Variants in SH2D7 observed in about 807,000 individuals in gnomAD.
The protein encoded by SH2D7 is SH2 domain containing 7, also known as SH2 domain-containing protein 7.
Under a neutral mutation model 40.8 loss-of-function variants are expected in SH2D7, and 32 were observed. That is an observed-to-expected ratio of 0.78 (90% CI 0.59 to 1.05). The LOEUF is 1.05. SH2D7 is among the 50% of genes least tolerant of loss of function. The pLI, the probability that SH2D7 is intolerant of heterozygous loss-of-function variation, is 0.00. For missense variants in SH2D7, 559 were observed against 566.6 expected (o/e 0.99, Z 0.14); for synonymous variants, 195 against 221.5 (o/e 0.88, Z 1.06).
rs560445530 is a variant in SH2D7, at chr15:78,102,548, T to A, written c.1306-917T>A. 2.0e-5 allele frequency among the ~76,000 whole-genome samples: 3 copies of A among 151,884 alleles called. No individual in the cohort carries two copies. In the East Asian group the frequency reaches 5.8e-4, roughly 29 times the overall value. ...CTGAGGATCTCTGGGGTGGTGGTGG[T>A]GGTAGTGGTGGTGGTGGTATTGGTG... On this transcript the variant is annotated intron_variant, in intron 5 of 5. Coordinates refer to ENST00000328828, the MANE Select transcript of SH2D7 (RefSeq NM_001101404.2).
intron 5 of SH2D7, 80 bp from the exon 6 acceptor site, chr15:78,103,385 C>A: frequency 6.6e-7 from 1 of 1,514,450 alleles, no homozygotes; most frequent in South Asian, 1.2e-5. Flanking sequence ...AACCCAAGGT[C>A]AATGAGGGGT....
At chr15:78,098,729 C>T (rs1175988936) in intron 4 of SH2D7, 133 bp downstream of exon 4, 15 of 1,075,790 alleles carry the variant, frequency 1.4e-5, no homozygotes, top group Admixed American at 5.0e-5. Flanking sequence ...CCCAGAGGTG[C>T]GGACCCAGCT....
chr15:78,094,054 G>A, intron 1 of SH2D7, 58 bp from the exon 2 acceptor site: 1 of 1,521,354 alleles, frequency 6.6e-7, no homozygotes, highest in South Asian at 1.2e-5. Flanking sequence ...GCCTAAGTCA[G>A]GCTGCACCTG....
chr15:78,092,828 G>A, intron 1 of SH2D7, 68 bp downstream of exon 1: 2 of 1,494,608 alleles, frequency 1.3e-6, no homozygotes, highest in Non-Finnish European at 1.8e-6. Flanking sequence ...AATGGTCTGG[G>A]AACTCTGGAT....
chr15:78,100,075 C>A (rs1388924828), intron 4 of SH2D7, among the ~76,000 whole-genome samples: 1 of 152,172 alleles, frequency 6.6e-6, no homozygotes. Context: ...ATATATTCAC[C>A]CATCATATAG....
chr15:78,100,829 A>G lies in SH2D7; in HGVS notation c.646-70A>G. On this transcript the variant is annotated intron_variant, in intron 4 of 5. Coordinates refer to ENST00000328828, the MANE Select transcript of SH2D7 (RefSeq NM_001101404.2). ...GACAGGGGGCCTCGGCTTATCTGAG[A>G]GAGTTTTTACTGGAGGGCATCTTAG... 3 of 1,552,400 alleles carry G rather than the reference A, an allele frequency of 1.9e-6. No individual in the cohort carries two copies. In the South Asian group the frequency reaches 3.7e-5, roughly 19 times the overall value.
At chr15:78,096,674 A>G (rs936244005) in intron 2 of SH2D7, among the ~76,000 whole-genome samples, 1 of 130,392 alleles carries the variant, frequency 7.7e-6, no homozygotes, top group African/African-American at 3.0e-5. Flanking sequence ...TTTTTTTTTT[A>G]ATTTTTAGTA....
chr15:78,094,209 G>A lies in SH2D7; in HGVS notation c.266+8G>A, dbSNP rs769971560. 4 of 1,604,314 alleles carry A rather than the reference G, an allele frequency of 2.5e-6. No individual in the cohort carries two copies. In the East Asian group the frequency reaches 6.7e-5, roughly 27 times the overall value. The stretch of plus-strand genomic sequence containing the variant: ...CTACATCTTGTCCTACAGGTAAGAG[G>A]GGAAGCCCTCTGGGCAAGCAAGCTC... On this transcript the variant is annotated splice_region_variant and intron_variant, in intron 2 of 5. Transcript: ENST00000328828.
chr15:78,091,453 C>G (rs1211453561), upstream of SH2D7, among the ~76,000 whole-genome samples: 2 of 152,156 alleles, frequency 1.3e-5, no homozygotes, highest in Non-Finnish European at 2.9e-5. Flanking sequence ...TAGTAAGTTT[C>G]TTGAGACCCC....
chr15:78,101,046 G>A lies in SH2D7; in HGVS notation c.793G>A (p.Gly265Arg). The A allele has an allele frequency of 2.5e-6, 4 of 1,607,386 alleles. No individual in the cohort carries two copies. The highest frequency in any genetic ancestry group is 3.4e-6 in the Non-Finnish European group (4 of 1,177,460). ...GLGTEGSGRH[G>R]PVPAGSQAYS... The stretch of plus-strand genomic sequence containing the variant: ...GGGCACAGAGGGGTCCGGCAGGCAT[G>A]GGCCAGTTCCAGCTGGCAGCCAGGC... The change falls in exon 5 of 6, where the codon GGG becomes AGG. Residue 265 changes from glycine (G) to arginine (R), a missense_variant. Coordinates refer to ENST00000328828, the MANE Select transcript of SH2D7 (RefSeq NM_001101404.2).
rs182143694 is a variant in SH2D7, at chr15:78,101,449, G to T, written c.1196G>T (p.Trp399Leu). Residue 399 changes from tryptophan (W) to leucine (L), a missense_variant, in exon 5 of 6, where the codon TGG becomes TTG. Trp to Leu is a moderately conservative substitution (Grantham distance 61). Transcript: ENST00000328828. ...GGGGCCAGTCCCACATATAGCCCAT[G>T]GGTCCATGGCTACAAGAGGATCTCA... Reference protein sequence around the residue: ...HPGASPTYSPWVHGYKRISGT... With the variant: ...HPGASPTYSPLVHGYKRISGT... The T allele has an allele frequency of 6.5e-5, 105 of 1,613,282 alleles. No homozygotes were observed. The African/African-American group carries it at 1.2e-3, about 19-fold the overall frequency.
At position 78,092,569 on chromosome 15, in the gene SH2D7, T is replaced by C; in HGVS notation, c.-16T>C. Reference sequence around the variant, plus strand: ...TGCACTGGCTGCGCTCTGCTTCCACTCTGGTGCCTGCCAGCATGGAGGACA... The same window carrying C: ...TGCACTGGCTGCGCTCTGCTTCCACCCTGGTGCCTGCCAGCATGGAGGACA... On this transcript the variant is annotated 5_prime_UTR_variant, in exon 1 of 6. Transcript: ENST00000328828. 1 of 1,542,966 alleles carries C rather than the reference T, an allele frequency of 6.5e-7. No homozygotes were observed. Among genetic ancestry groups the C allele is most frequent in the Non-Finnish European group, 8.8e-7 (1 of 1,141,800 alleles).
At chr15:78,098,839 C>T (rs891968513) in intron 4 of SH2D7, among the ~76,000 whole-genome samples, 2 of 152,176 alleles carry the variant, frequency 1.3e-5, no homozygotes, top group African/African-American at 4.8e-5. Flanking sequence ...TGGCTTTAGG[C>T]GAGTCACATA....
chr15:78,097,945 C>CGACGAA lies in SH2D7; in HGVS notation c.286_287insGAAGAC (p.Arg95_His96insArgArg). 6.2e-7 allele frequency: 1 copy of CGACGAA among 1,613,844 alleles called. No individual in the cohort carries two copies. The highest frequency in any genetic ancestry group is 1.7e-5 in the Admixed American group (1 of 60,010). ...GTGTTGCAGGGGCAGTGATCGCTGC[C>CGACGAA]GACATTTTGTCATCAACCAGCTTCG... On this transcript the variant is annotated inframe_insertion, in exon 3 of 6. Coordinates refer to ENST00000328828, the MANE Select transcript of SH2D7 (RefSeq NM_001101404.2).
chr15:78,101,455 A>T lies in SH2D7; in HGVS notation c.1202A>T (p.His401Leu), dbSNP rs756222158. The T allele has an allele frequency of 6.2e-7, 1 of 1,613,350 alleles. No individual in the cohort carries two copies. Among genetic ancestry groups the T allele is most frequent in the East Asian group, 2.2e-5 (1 of 44,870 alleles). ...AGTCCCACATATAGCCCATGGGTCCATGGCTACAAGAGGATCTCAGGGACC... is the reference window on the plus strand; with the variant it reads ...AGTCCCACATATAGCCCATGGGTCCTTGGCTACAAGAGGATCTCAGGGACC... ...GASPTYSPWV[H>L]GYKRISGTPE... is the part of the protein sequence containing the mutation. Residue 401 changes from histidine to leucine, a missense_variant, in exon 5 of 6, where the codon CAT (histidine) becomes CTT (leucine). By Grantham distance (99) the His-to-Leu change is moderately conservative. Coordinates refer to ENST00000328828, the MANE Select transcript of SH2D7 (RefSeq NM_001101404.2).
rs754371487 is a variant in SH2D7 at position 78,092,632 on chromosome 15, G to A, written c.48G>A (p.Gly16=). ...TCAGCCTGGGGAGAGATCCTGAGGG[G>A]GCAGGGGACAGCCAGGCCCTGGCTG... ...KQLSLGRDPE[G]AGDSQALAEL... is the part of the protein sequence containing the mutation. The change falls in exon 1 of 6, where the codon GGG becomes GGA. Residue 16 remains glycine, a synonymous_variant. Transcript: ENST00000328828. The A allele has an allele frequency of 1.9e-6, 3 of 1,557,442 alleles. No homozygotes were observed. The East Asian group carries it at 7.3e-5, about 38-fold the overall frequency.
chr15:78,091,372 C>T (rs1332200716), upstream of SH2D7: 1 of 152,152 alleles, frequency 6.6e-6, no homozygotes, highest in Non-Finnish European at 1.5e-5. Flanking sequence ...CATAATGACC[C>T]TAGAGTCTAG....
chr15:78,097,099 T>C (rs536816345), intron 2 of SH2D7, among the ~76,000 whole-genome samples: 5 of 152,194 alleles, frequency 3.3e-5, no homozygotes, highest in Non-Finnish European at 5.9e-5. Flanking sequence ...ATCTCCAAGA[T>C]ATAATGTTGA....
intron 4 of SH2D7, among the ~76,000 whole-genome samples, chr15:78,100,141 T>A (rs1461654510): frequency 6.6e-6 from 1 of 152,228 alleles, no homozygotes; most frequent in Non-Finnish European, 1.5e-5. Flanking sequence ...ATCTCCCAGA[T>A]TAGAATATAA....
Sources: allele counts gnomAD v4.1 joint callset (sites outside exome capture counted in the v4.1 genomes callset), GRCh38; gene constraint gnomAD v4.1.1; transcripts MANE v1.5; gene names NCBI Gene and HGNC (gene_info 2026-07-23, HGNC 2026-07-21).